The following BCO1 variants were observed in gnomAD, a reference collection of about 807,000 sequenced individuals.
The protein encoded by BCO1 is beta-carotene oxygenase 1, also known as beta,beta-carotene 15,15'-dioxygenase.
A neutral mutation model predicts 56.3 loss-of-function variants in BCO1; 54 were observed. The ratio of observed to expected loss-of-function variants is 0.96; its 90% CI spans 0.77 to 1.20. The LOEUF is 1.20. BCO1 is among the 50% of genes most tolerant of loss of function. The pLI is 0.00. For synonymous variants in BCO1, 318 were observed against 266.1 expected, an observed-to-expected ratio of 1.20 and a Z score of -1.90; for missense variants, 801 against 690.9, an observed-to-expected ratio of 1.16 and a Z score of -1.79.
In BCO1 at chr16:81,273,948, A is replaced by G. The variant is rs867913445; in HGVS notation, c.1101+3532A>G. Among the ~76,000 whole-genome samples, 28 of 152,334 alleles carry G rather than the reference A, an allele frequency of 1.8e-4. 1 individual carries two copies. The Middle Eastern group carries it at 0.014, about 74-fold the overall frequency. On this transcript the variant is annotated intron_variant, in intron 7 of 10. Coordinates refer to ENST00000258168, the MANE Select transcript of BCO1 (RefSeq NM_017429.3). ...GAAAAAGGCATTGATTTTCTCCCCT[A>G]TGTGACTCAGGGCTATTGGATGAAC...
intron 2 of BCO1, among the ~76,000 whole-genome samples, chr16:81,255,235 G>A (rs996656486): frequency 6.6e-6 from 1 of 152,164 alleles, no homozygotes; most frequent in Admixed American, 6.6e-5. Flanking sequence ...TGTTCTTGCT[G>A]TGTTAGGATC....
intron 8 of BCO1, 44 bp from the exon 9 acceptor site, chr16:81,285,496 C>T (rs574226536): frequency 1.4e-6 from 2 of 1,402,764 alleles, no homozygotes; most frequent in East Asian, 4.6e-5. Flanking sequence ...ATGCTCCCAG[C>T]CCCCAATGAT....
chr16:81,243,724 T>G (rs1905241716), intron 1 of BCO1, among the ~76,000 whole-genome samples: 1 of 152,156 alleles, frequency 6.6e-6, no homozygotes, highest in African/African-American at 2.4e-5. Flanking sequence ...CTGCCTCACC[T>G]CCCAAAGTGC....
In BCO1 at chr16:81,240,065, C is replaced by CA. The variant is rs538318707; in HGVS notation, c.64+1103dup. On this transcript the variant is annotated intron_variant, in intron 1 of 10. Coordinates refer to ENST00000258168, the MANE Select transcript of BCO1 (RefSeq NM_017429.3). ...CAATTGCCTTGGGAGTCTTTTGAAA[C>CA]AAAAAAAAAATAGCTTTTATGTATA... Among the ~76,000 whole-genome samples, 430 of 143,042 alleles carry CA rather than the reference C, an allele frequency of 3.0e-3. 2 individuals are homozygous for CA. Among genetic ancestry groups the CA allele is most frequent in the African/African-American group, 8.0e-3 (312 of 39,064 alleles). The allele number at this position is 143,042 out of a possible 152,430, so 93.8% of individuals were successfully genotyped here.
rs532699085 is a variant in BCO1, at chr16:81,290,904, G to A, written c.*327G>A. The A allele has an allele frequency of 1.2e-5, 3 of 254,814 alleles. No homozygotes were observed. Among genetic ancestry groups the A allele is most frequent in the South Asian group, 1.5e-4 (2 of 13,672 alleles). The allele number at this position is 254,814 out of a possible 1,614,324, so 15.8% of individuals were successfully genotyped here. A position where few individuals can be genotyped will look rare whatever the true frequency, so the allele number is the denominator to read the frequency against. ...ATGACATTATCATCATTTTTAGAAC[G>A]AGCCACTAACCTATTAGAGAAGAGG... On this transcript the variant is annotated 3_prime_UTR_variant, in exon 11 of 11. Coordinates refer to ENST00000258168, the MANE Select transcript of BCO1 (RefSeq NM_017429.3).
chr16:81,275,626 A>AAATG (rs1907509520), intron 7 of BCO1, among the ~76,000 whole-genome samples: 1 of 152,234 alleles, frequency 6.6e-6, no homozygotes, highest in South Asian at 2.1e-4. Context: ...TAAATATTTG[A>AAATG]AATGAATGAA....
At chr16:81,240,554 A>G (rs1905064334) in intron 1 of BCO1, among the ~76,000 whole-genome samples, 1 of 151,932 alleles carries the variant, frequency 6.6e-6, no homozygotes, top group Non-Finnish European at 1.5e-5. Flanking sequence ...AAAATACACA[A>G]ATTAGCCAGG....
chr16:81,270,170 C>T lies in BCO1; in HGVS notation c.855C>T (p.His285=), dbSNP rs183054266. 6.2e-6 allele frequency: 10 copies of T among 1,614,178 alleles called. No individual in the cohort carries two copies. The East Asian group carries it at 1.1e-4, about 18-fold the overall frequency. Residue 285 remains histidine (H), a synonymous_variant, in exon 7 of 11, where the codon CAC becomes CAT. Transcript: ENST00000258168. The part of the protein sequence containing the change: ...AFHREEKTYI[H]IIDQRTRQPV... ...GTGTCCTTTTTCAGACTTATATCCA[C>T]ATCATCGACCAAAGGACCAGGCAGC... is the stretch of plus-strand genomic sequence containing the variant.
chr16:81,248,768 T>C (rs1307449600), intron 2 of BCO1, among the ~76,000 whole-genome samples: 3 of 152,108 alleles, frequency 2.0e-5, no homozygotes, highest in Admixed American at 2.0e-4. Context: ...TCCCAGCACT[T>C]TGGGGAGCCA....
intron 6 of BCO1, 116 bp downstream of exon 6, chr16:81,268,247 C>T (rs1437507971): frequency 7.3e-6 from 7 of 956,332 alleles, no homozygotes; most frequent in Non-Finnish European, 1.1e-5. Context: ...AGGAGGCTAC[C>T]AGAGGCATCT....
intron 8 of BCO1, among the ~76,000 whole-genome samples, chr16:81,281,869 G>A (rs982397626): frequency 2.0e-5 from 3 of 152,232 alleles, no homozygotes; most frequent in Non-Finnish European, 4.4e-5. Flanking sequence ...TCCAGACATT[G>A]CCAGCATCTC....
chr16:81,247,296 G>C (rs1341639545), intron 2 of BCO1, among the ~76,000 whole-genome samples: 1 of 152,104 alleles, frequency 6.6e-6, no homozygotes, highest in Non-Finnish European at 1.5e-5. Flanking sequence ...CTCCCCTGGA[G>C]AGCTGTTGGG....
In BCO1 at chr16:81,262,187, G is replaced by C; in HGVS notation, c.375G>C (p.Leu125=). The C allele has an allele frequency of 1.2e-6, 2 of 1,613,962 alleles. No homozygotes were observed. Among genetic ancestry groups the C allele is most frequent in the South Asian group, 1.1e-5 (1 of 91,074 alleles). Residue 125 remains leucine, a synonymous_variant, in exon 4 of 11, where the codon CTG becomes CTC. Transcript: ENST00000258168. ...HTIPDFTDNC[L]INIMKCGEDF... ...TCCCCGATTTCACCGACAACTGCCT[G>C]ATCAACATCATGAAGTGCGGAGAAG...
chr16:81,279,076 A>G (rs1028909399), intron 7 of BCO1, among the ~76,000 whole-genome samples: 1 of 151,586 alleles, frequency 6.6e-6, no homozygotes, highest in African/African-American at 2.4e-5. Flanking sequence ...CAGGAGTTCG[A>G]GACCAAGCTG....
At chr16:81,248,691 T>C (rs1436981745) in intron 2 of BCO1, among the ~76,000 whole-genome samples, 1 of 152,128 alleles carries the variant, frequency 6.6e-6, no homozygotes, top group African/African-American at 2.4e-5. Flanking sequence ...ATAAATACTG[T>C]TCTGGATGAG....
At chr16:81,247,229 G>A (rs981474082) in intron 2 of BCO1, among the ~76,000 whole-genome samples, 1 of 152,146 alleles carries the variant, frequency 6.6e-6, no homozygotes, top group Non-Finnish European at 1.5e-5. Flanking sequence ...GTCAAACTGG[G>A]ATTACGTTAA....
chr16:81,287,237 A>T lies in BCO1; in HGVS notation c.1303-58A>T, dbSNP rs1013663942. ...TGGATCTTCATGCACTCCTATTTGC[A>T]GAGAATAGTATTCTCTCAAACAAGT... On this transcript the variant is annotated intron_variant, in intron 9 of 10. Coordinates refer to ENST00000258168, the MANE Select transcript of BCO1 (RefSeq NM_017429.3). 3 of 1,296,266 alleles carry T rather than the reference A, an allele frequency of 2.3e-6. No individual in the cohort carries two copies. In the South Asian group the frequency reaches 3.6e-5, roughly 15 times the overall value. 80.3% of individuals were successfully genotyped at this position (1,296,266 alleles called of 1,614,324 possible). A position where few individuals can be genotyped will look rare whatever the true frequency, so the allele number is the denominator to read the frequency against.
At chr16:81,268,242 G>A (rs1906958684) in intron 6 of BCO1, 111 bp downstream of exon 6, 4 of 987,348 alleles carry the variant, frequency 4.1e-6, no homozygotes, top group East Asian at 5.0e-5. Flanking sequence ...GAGGGAGGAG[G>A]CTACCAGAGG....
At chr16:81,252,018 T>C (rs1191078864) in intron 2 of BCO1, among the ~76,000 whole-genome samples, 1 of 151,990 alleles carries the variant, frequency 6.6e-6, no homozygotes, top group Non-Finnish European at 1.5e-5. Context: ...TGGGCTCTCC[T>C]GAAAGCAGAC....
Sources: allele counts gnomAD v4.1 joint callset (sites outside exome capture counted in the v4.1 genomes callset), GRCh38; gene constraint gnomAD v4.1.1; transcripts MANE v1.5; gene names NCBI Gene and HGNC (gene_info 2026-07-23, HGNC 2026-07-21).